The following AUTS2 variants were observed in gnomAD, a reference collection of about 807,000 sequenced individuals.
The protein encoded by AUTS2 is autism susceptibility gene 2 protein.
A neutral mutation model predicts 112.4 loss-of-function variants in AUTS2; 17 were observed. That is an observed-to-expected ratio of 0.15 (90% confidence interval 0.10 to 0.23). The LOEUF (loss-of-function observed/expected upper bound fraction) is 0.23, where lower values mean the gene tolerates loss of function less well. Ranked by LOEUF, AUTS2 falls within the 10% of genes least tolerant of loss-of-function variation. The probability of loss-of-function intolerance (pLI) is 1.00; values close to 1 mark genes in which losing one functional copy is unlikely to be tolerated. For missense variants in AUTS2, 1,510 were observed against 1,701.6 expected (o/e 0.89, Z 1.98); for synonymous variants, 751 against 702.7 (o/e 1.07, Z -1.09).
intron 1 of AUTS2, among the ~76,000 whole-genome samples, chr7:69,671,668 G>A (rs1422732387): frequency 1.3e-5 from 2 of 152,016 alleles, no homozygotes; most frequent in African/African-American, 4.8e-5. Flanking sequence ...TATGGCTATT[G>A]AATAAAATAT....
intron 5 of AUTS2, among the ~76,000 whole-genome samples, chr7:70,465,118 G>A (rs1448497317): frequency 1.3e-5 from 2 of 152,186 alleles, no homozygotes; most frequent in African/African-American, 2.4e-5. Flanking sequence ...TCAGCCCTCT[G>A]CCCTCACCTC....
intron 2 of AUTS2, among the ~76,000 whole-genome samples, chr7:69,922,260 T>C (rs1795846066): frequency 1.3e-5 from 2 of 152,176 alleles, no homozygotes; most frequent in Non-Finnish European, 2.9e-5. Context: ...TACTACCAAC[T>C]AGCGCTGTCC....
intron 10 of AUTS2, among the ~76,000 whole-genome samples, chr7:70,770,337 A>T (rs1790256890): frequency 6.6e-6 from 1 of 152,256 alleles, no homozygotes; most frequent in Admixed American, 6.5e-5. Context: ...ACCAACAGAA[A>T]AAGGACGTGC....
At chr7:70,646,257 T>C (rs1236563621) in intron 5 of AUTS2, among the ~76,000 whole-genome samples, 2 of 152,206 alleles carry the variant, frequency 1.3e-5, no homozygotes, top group East Asian at 3.9e-4. Context: ...CAGGGAAAGA[T>C]TGCAGGCAAA....
chr7:70,757,811 T>TTTC (rs1789313900), intron 6 of AUTS2, among the ~76,000 whole-genome samples: 1 of 128,892 alleles, frequency 7.8e-6, no homozygotes, highest in Non-Finnish European at 1.6e-5. Flanking sequence ...TGGCTTCTTT[T>TTTC]TTTTTTTTTT....
At chr7:70,756,102 C>T (rs1030296213) in intron 6 of AUTS2, among the ~76,000 whole-genome samples, 1 of 152,056 alleles carries the variant, frequency 6.6e-6, no homozygotes, top group South Asian at 2.1e-4. Context: ...GTTTATCTTT[C>T]CAGTCTCTTT....
intron 1 of AUTS2, among the ~76,000 whole-genome samples, chr7:69,681,716 G>A (rs1475555919): frequency 6.6e-6 from 1 of 152,182 alleles, no homozygotes; most frequent in African/African-American, 2.4e-5. Context: ...AAATCTTATT[G>A]TTTGTTGTAG....
intron 5 of AUTS2, among the ~76,000 whole-genome samples, chr7:70,606,833 G>A (rs1404456254): frequency 6.8e-6 from 1 of 147,712 alleles, no homozygotes; most frequent in African/African-American, 2.5e-5. Flanking sequence ...CTGTACTCCA[G>A]CCTGGGCGAC....
At chr7:70,043,621 T>G (rs557777772) in intron 2 of AUTS2, among the ~76,000 whole-genome samples, 1 of 121,910 alleles carries the variant, frequency 8.2e-6, no homozygotes, top group Admixed American at 7.6e-5. Context: ...TTTTTTTTTT[T>G]ATTTTTGGTC....
chr7:70,482,951 G>A (rs1047098886), intron 5 of AUTS2, among the ~76,000 whole-genome samples: 1 of 152,230 alleles, frequency 6.6e-6, no homozygotes, highest in Non-Finnish European at 1.5e-5. Flanking sequence ...AACTCAAAGC[G>A]GTTGGGACAT....
intron 5 of AUTS2, among the ~76,000 whole-genome samples, chr7:70,548,118 T>A (rs1224984480): frequency 6.6e-6 from 1 of 152,204 alleles, no homozygotes; most frequent in Non-Finnish European, 1.5e-5. Flanking sequence ...CGTATACATT[T>A]TCATATCACC....
intron 5 of AUTS2, among the ~76,000 whole-genome samples, chr7:70,515,790 G>A (rs1585242638): frequency 1.3e-5 from 2 of 151,782 alleles, no homozygotes; most frequent in Admixed American, 6.6e-5. Flanking sequence ...ATGCAAATTG[G>A]TCTAGGTTAC....
At chr7:70,760,195 C>G (rs898514475) in intron 6 of AUTS2, among the ~76,000 whole-genome samples, 1 of 152,092 alleles carries the variant, frequency 6.6e-6, no homozygotes, top group African/African-American at 2.4e-5. Flanking sequence ...TTAGTAGAGG[C>G]AGGGTTTCAC....
Position 69,993,773 on chromosome 7 carries a change from C to T in AUTS2, c.522+94275C>T, listed in dbSNP as rs76772244. Among the ~76,000 whole-genome samples the T allele has an allele frequency of 1.8e-3, 279 of 151,874 alleles. 3 individuals are homozygous for T. Among genetic ancestry groups the T allele is most frequent in the African/African-American group, 6.6e-3 (272 of 41,424 alleles). On this transcript the variant is annotated intron_variant, in intron 2 of 18. Transcript: ENST00000342771. The stretch of plus-strand genomic sequence containing the variant: ...TGTCTCTGTCTGTCTGTCTCTCTCC[C>T]TCTCTCTCTCTGTATATATATAATC...
chr7:70,668,708 C>T (rs1289269335), intron 5 of AUTS2, among the ~76,000 whole-genome samples: 1 of 152,184 alleles, frequency 6.6e-6, no homozygotes, highest in Non-Finnish European at 1.5e-5. Context: ...GTTAACAGGA[C>T]AAATATAATT....
intron 1 of AUTS2, among the ~76,000 whole-genome samples, chr7:69,600,638 G>C (rs1792346259): frequency 1.3e-5 from 2 of 149,158 alleles, no homozygotes; most frequent in Admixed American, 6.7e-5. Flanking sequence ...GGGTGGAATA[G>C]CTCTCTGTAT....
intron 14 of AUTS2, 170 bp from the exon 15 acceptor site, chr7:70,781,445 C>A: frequency 1.5e-6 from 1 of 687,284 alleles, no homozygotes; most frequent in Non-Finnish European, 2.3e-6. Flanking sequence ...TACCGGCCTG[C>A]AGATCTGACA....
At chr7:70,053,544 G>GTTTGTTTTTTTTTTTTTTTTT (rs1801849869) in intron 2 of AUTS2, among the ~76,000 whole-genome samples, 3 of 127,848 alleles carry the variant, frequency 2.3e-5, no homozygotes, top group Admixed American at 7.6e-5. Context: ...GTTTTGGGTG[G>GTTTGTTTTTTTTTTTTTTTTT]TTTTTTTTTT....
At chr7:69,703,337 G>A (rs1017177220) in intron 1 of AUTS2, among the ~76,000 whole-genome samples, 1 of 152,148 alleles carries the variant, frequency 6.6e-6, no homozygotes, top group African/African-American at 2.4e-5. Flanking sequence ...TATAAAAATT[G>A]GCAGAGCTAT....
Sources: gnomAD v4.1 joint callset for allele counts (sites outside exome capture counted in the v4.1 genomes callset) on GRCh38, gnomAD v4.1.1 for gene constraint, MANE v1.5 for transcripts, NCBI Gene and HGNC (gene_info 2026-07-23, HGNC 2026-07-21) for gene names.